Variants in TGFBR3 observed in about 807,000 individuals in gnomAD.
TGFBR3 encodes the protein transforming growth factor beta receptor 3.
TGFBR3 carries 46 observed loss-of-function variants against 87.9 expected under a neutral mutation model. The ratio of observed to expected loss-of-function variants is 0.52; its 90% CI spans 0.41 to 0.67. The LOEUF is 0.67. TGFBR3 is among the 30% of genes least tolerant of loss of function. The pLI is 0.00. For synonymous variants in TGFBR3, 381 were observed against 391.6 expected (o/e 0.97, Z 0.32); for missense variants, 866 against 1,041.9 (o/e 0.83, Z 2.32).
chr1:91,830,647 A>G (rs189104894), intron 2 of TGFBR3, among the ~76,000 whole-genome samples: 34 of 152,240 alleles, frequency 2.2e-4, no homozygotes, highest in African/African-American at 8.2e-4. Context: ...AACTCCCAAG[A>G]AAGCTGCCAG....
At position 91,699,485 on chromosome 1, in the gene TGFBR3, T is replaced by G. The variant is rs150603797; in HGVS notation, c.2288-1355A>C. 3.2e-3 allele frequency among the ~76,000 whole-genome samples: 440 copies of G among 139,364 alleles called. 3 individuals carry two copies. Among genetic ancestry groups the G allele is most frequent in the African/African-American group, 0.011 (417 of 38,574 alleles). The allele number at this position is 139,364 out of a possible 152,430, so 91.4% of individuals were successfully genotyped here. On this transcript the variant is annotated intron_variant, in intron 14 of 16. Coordinates refer to ENST00000212355, the MANE Select transcript of TGFBR3 (RefSeq NM_003243.5). ...GAGGGCAAGGTCTAGTTCTCAGTCA[T>G]CTGTATATCCCCAAGGGCTCAGACT...
intron 1 of TGFBR3, among the ~76,000 whole-genome samples, chr1:91,878,571 T>TCATCA (rs1678948962): frequency 6.6e-6 from 1 of 152,234 alleles, no homozygotes; most frequent in Admixed American, 6.5e-5. Flanking sequence ...GCCCATTTGA[T>TCATCA]GTTCTCACCT....
chr1:91,780,551 CT>C (rs60294904), intron 3 of TGFBR3, among the ~76,000 whole-genome samples: 1,440 of 77,032 alleles, frequency 0.019, 6 homozygotes, highest in African/African-American at 0.052. Flanking sequence ...GGGTCTAAGG[CT>C]TTTTTTTTTT....
At chr1:91,865,882 A>G (rs1678377258) in intron 1 of TGFBR3, among the ~76,000 whole-genome samples, 1 of 150,528 alleles carries the variant, frequency 6.6e-6, no homozygotes, top group Non-Finnish European at 1.5e-5. Flanking sequence ...ACTGCACTCC[A>G]GCCTGGGTGA....
upstream of TGFBR3, among the ~76,000 whole-genome samples, chr1:91,887,111 TC>T (rs1488171968): frequency 6.6e-6 from 1 of 152,028 alleles, no homozygotes; most frequent in Non-Finnish European, 1.5e-5. Context: ...AGACCAGACT[TC>T]CAGTCCTGAC....
intron 1 of TGFBR3, among the ~76,000 whole-genome samples, chr1:91,881,262 G>A (rs1276088918): frequency 3.3e-5 from 5 of 152,178 alleles, no homozygotes; most frequent in African/African-American, 1.2e-4. Context: ...AAGGACAGTT[G>A]AGTTCCCTGG....
Position 91,719,974 on chromosome 1 carries a change from C to A in TGFBR3, c.1332G>T (p.Val444=), listed in dbSNP as rs746047801. 6.2e-7 allele frequency: 1 copy of A among 1,614,188 alleles called. No homozygotes were observed. The highest frequency in any genetic ancestry group is 1.1e-5 in the South Asian group (1 of 91,078). ...ACAGGGCAATATCCACGCTCCCTTG[C>A]ACCTCTTCTGGCTCTCTGAGACCAG... ...LFPGLREPEE[V]QGSVDIALSV... Residue 444 remains valine (V), a synonymous_variant, in exon 9 of 17, where the codon GTG becomes GTT. Coordinates refer to ENST00000212355, the MANE Select transcript of TGFBR3 (RefSeq NM_003243.5).
intron 4 of TGFBR3, among the ~76,000 whole-genome samples, chr1:91,742,179 A>T (rs1281425456): frequency 6.6e-6 from 1 of 152,110 alleles, no homozygotes; most frequent in Non-Finnish European, 1.5e-5. Context: ...TACTCTCCTC[A>T]CAATGAGCTG....
intron 3 of TGFBR3, among the ~76,000 whole-genome samples, chr1:91,792,226 T>C (rs1423872295): frequency 6.6e-6 from 1 of 152,204 alleles, no homozygotes; most frequent in Non-Finnish European, 1.5e-5. Context: ...GTCCTCATTC[T>C]GTATTTCTGC....
chr1:91,838,671 G>A (rs1237582420), intron 2 of TGFBR3, among the ~76,000 whole-genome samples: 6 of 147,410 alleles, frequency 4.1e-5, no homozygotes, highest in African/African-American at 7.5e-5. Flanking sequence ...GGGTTTCACC[G>A]CGTTAGCCAG....
At chr1:91,881,373 G>C (rs550295685) in intron 1 of TGFBR3, among the ~76,000 whole-genome samples, 29 of 152,276 alleles carry the variant, frequency 1.9e-4, no homozygotes, top group African/African-American at 7.0e-4. Flanking sequence ...TAATTCTTTT[G>C]AGTCTTAAAA....
Position 91,745,141 on chromosome 1 carries a change from A to G in TGFBR3, c.385-10182T>C, listed in dbSNP as rs111697474. 1.2e-4 allele frequency among the ~76,000 whole-genome samples: 18 copies of G among 152,262 alleles called. 1 individual carries two copies. Among genetic ancestry groups the G allele is most frequent in the African/African-American group, 4.1e-4 (17 of 41,562 alleles). ...GGGGCTGCTCTAACTCGCACATCCA[A>G]CTGCACACATGTCCGTGACTTTGGC... On this transcript the variant is annotated intron_variant, in intron 4 of 16. Transcript: ENST00000212355.
At position 91,829,914 on chromosome 1, in the gene TGFBR3, GT is replaced by G. The variant is rs1264301146; in HGVS notation, c.61+31556del. On this transcript the variant is annotated intron_variant, in intron 2 of 16. Coordinates refer to ENST00000212355, the MANE Select transcript of TGFBR3 (RefSeq NM_003243.5). ...TCATCTCTCCTTAGGCAATCTGGCA[GT>G]CCCCTGGGAGTCCCCAGGGAAGTCA... 1.1e-3 allele frequency: 175 copies of G among 152,288 alleles called. 2 individuals are homozygous for G. The highest frequency in any genetic ancestry group is 3.8e-3 in the African/African-American group (157 of 41,550). 9.4% of individuals were successfully genotyped at this position (152,288 alleles called of 1,614,324 possible). A position where few individuals can be genotyped will look rare whatever the true frequency, so the allele number is the denominator to read the frequency against.
At position 91,792,996 on chromosome 1, in the gene TGFBR3, G is replaced by A. The variant is rs1360005574; in HGVS notation, c.246+4291C>T. ...AAATACAATAGGTCTACTCTGACCC[G>A]AGGAGAACCCAGCAGGGAGGCCGAT... On this transcript the variant is annotated intron_variant, in intron 3 of 16. Transcript: ENST00000212355. Among the ~76,000 whole-genome samples the A allele has an allele frequency of 3.3e-5, 5 of 152,204 alleles. No homozygotes were observed. In the East Asian group the frequency reaches 7.7e-4, roughly 23 times the overall value.
intron 2 of TGFBR3, among the ~76,000 whole-genome samples, chr1:91,844,804 TA>T (rs1222627742): frequency 6.6e-6 from 1 of 152,176 alleles, no homozygotes; most frequent in Non-Finnish European, 1.5e-5. Context: ...CTTTTAACCA[TA>T]ATAAAGCAGC....
At chr1:91,791,238 C>A (rs924476483) in intron 3 of TGFBR3, among the ~76,000 whole-genome samples, 4 of 151,930 alleles carry the variant, frequency 2.6e-5, no homozygotes, top group Non-Finnish European at 5.9e-5. Context: ...GACAGGTGAG[C>A]TATTTGTGTG....
intron 3 of TGFBR3, among the ~76,000 whole-genome samples, chr1:91,774,358 A>C (rs1412133678): frequency 1.3e-5 from 2 of 151,926 alleles, no homozygotes; most frequent in East Asian, 3.9e-4. Context: ...CTGGTCCCAA[A>C]CTCCTGGCCT....
At chr1:91,683,945 C>A in intron 16 of TGFBR3, 88 bp from the exon 17 acceptor site, 2 of 1,256,036 alleles carry the variant, frequency 1.6e-6, no homozygotes, top group South Asian at 2.6e-5. Context: ...CCGCATTTGC[C>A]ATTTTAACTG....
intron 2 of TGFBR3, among the ~76,000 whole-genome samples, chr1:91,808,841 C>T (rs569149426): frequency 1.3e-5 from 2 of 152,194 alleles, no homozygotes; most frequent in Admixed American, 1.3e-4. Flanking sequence ...CAGAAGGAGA[C>T]ACTGGCTACA....
Sources: gnomAD v4.1 joint callset for allele counts (sites outside exome capture counted in the v4.1 genomes callset) on GRCh38, gnomAD v4.1.1 for gene constraint, MANE v1.5 for transcripts, NCBI Gene and HGNC (gene_info 2026-07-23, HGNC 2026-07-21) for gene names.